Variants in SDK1 observed in about 807,000 individuals in gnomAD.
The protein encoded by SDK1 is protein sidekick-1.
SDK1 carries 157 observed loss-of-function variants against 245.5 expected under a neutral mutation model. The observed-to-expected ratio is 0.64, with a 90% confidence interval of 0.56 to 0.73. The LOEUF is 0.73. Ranked by LOEUF, SDK1 falls within the 30% of genes least tolerant of loss-of-function variation. SDK1 has a pLI of 0.00. For missense variants in SDK1, 3,583 were observed against 3,002.3 expected, an observed-to-expected ratio of 1.19 and a Z score of -4.52; for synonymous variants, 1,647 against 1,278.5, an observed-to-expected ratio of 1.29 and a Z score of -6.15.
chr7:3,681,818 G>A (rs549465921), intron 4 of SDK1, among the ~76,000 whole-genome samples: 8 of 152,118 alleles, frequency 5.3e-5, no homozygotes, highest in Admixed American at 1.3e-4. Context: ...ACATGAATTG[G>A]ATTAGAACAA....
intron 4 of SDK1, among the ~76,000 whole-genome samples, chr7:3,788,456 CCAG>C (rs947279310): frequency 6.6e-6 from 1 of 152,064 alleles, no homozygotes; most frequent in Non-Finnish European, 1.5e-5. Flanking sequence ...TATCTACCAC[CCAG>C]TCTGCATTTG....
chr7:4,055,083 G>A (rs944261412), intron 19 of SDK1, among the ~76,000 whole-genome samples: 1 of 152,116 alleles, frequency 6.6e-6, no homozygotes, highest in Non-Finnish European at 1.5e-5. Context: ...TCTTTGTCTG[G>A]TGTTGGTATC....
intron 1 of SDK1, among the ~76,000 whole-genome samples, chr7:3,549,731 G>C (rs956842892): frequency 1.3e-4 from 20 of 152,110 alleles, no homozygotes; most frequent in African/African-American, 4.6e-4. Flanking sequence ...AAGAATGCTT[G>C]ATCTTTCTAT....
intron 1 of SDK1, among the ~76,000 whole-genome samples, chr7:3,506,076 T>C (rs1191350634): frequency 6.6e-6 from 1 of 152,232 alleles, no homozygotes; most frequent in African/African-American, 2.4e-5. Flanking sequence ...CATCATATTC[T>C]TTATTTCTTT....
At chr7:3,463,250 C>T (rs971504407) in intron 1 of SDK1, among the ~76,000 whole-genome samples, 1 of 152,162 alleles carries the variant, frequency 6.6e-6, no homozygotes, top group Non-Finnish European at 1.5e-5. Flanking sequence ...TCTCAGTAAC[C>T]ATGATAGCAA....
intron 4 of SDK1, among the ~76,000 whole-genome samples, chr7:3,691,472 G>C (rs1784435635): frequency 6.6e-6 from 1 of 152,166 alleles, no homozygotes. Context: ...ACAGGACTTG[G>C]AGCATGTTAT....
At chr7:3,461,011 A>G (rs1174084768) in intron 1 of SDK1, among the ~76,000 whole-genome samples, 1 of 152,232 alleles carries the variant, frequency 6.6e-6, no homozygotes, top group Admixed American at 6.5e-5. Context: ...TCTGACTTGG[A>G]AATTTGCTAA....
intron 1 of SDK1, among the ~76,000 whole-genome samples, chr7:3,448,963 C>G (rs903598935): frequency 6.6e-6 from 1 of 152,112 alleles, no homozygotes; most frequent in Non-Finnish European, 1.5e-5. Context: ...AGCTTGCAAC[C>G]TAACAATTTT....
rs551004750 is a variant in SDK1, at chr7:3,431,736, G to C, written c.298+129852G>C. Among the ~76,000 whole-genome samples, 4 of 152,226 alleles carry C rather than the reference G, an allele frequency of 2.6e-5. No homozygotes were observed. The South Asian group carries it at 8.3e-4, about 32-fold the overall frequency. On this transcript the variant is annotated intron_variant, in intron 1 of 44. Transcript: ENST00000404826. Reference sequence around the variant, plus strand: ...GAACTGTTTTGCAATGACTAGTTTTGTGACCTTGAGAAAGGACCTTAACCT... The same window carrying C: ...GAACTGTTTTGCAATGACTAGTTTTCTGACCTTGAGAAAGGACCTTAACCT...
chr7:3,904,958 A>G (rs1277149114), intron 5 of SDK1, among the ~76,000 whole-genome samples: 2 of 151,038 alleles, frequency 1.3e-5, no homozygotes, highest in South Asian at 2.1e-4. Context: ...GCGCCACTGC[A>G]CTCCAGCCTG....
rs76956078 is a variant in SDK1, at chr7:3,639,556, G to A, written c.565+446G>A. On this transcript the variant is annotated intron_variant, in intron 3 of 44. Transcript: ENST00000404826. ...AGGTACATGGATAGTGAGCGTCCCC[G>A]ATGGCATTCATGTGATAGTGATTTA... Among the ~76,000 whole-genome samples the A allele has an allele frequency of 3.8e-3, 577 of 152,218 alleles. 5 individuals are homozygous for A. The highest frequency in any genetic ancestry group is 0.013 in the African/African-American group (540 of 41,490).
At chr7:3,808,974 C>T (rs553942074) in intron 4 of SDK1, among the ~76,000 whole-genome samples, 2 of 152,278 alleles carry the variant, frequency 1.3e-5, no homozygotes, top group African/African-American at 4.8e-5. Context: ...GAGTCGTGCA[C>T]TGAGGATCCA....
chr7:3,539,550 C>G (rs768108152), intron 1 of SDK1, among the ~76,000 whole-genome samples: 1 of 152,162 alleles, frequency 6.6e-6, no homozygotes, highest in Non-Finnish European at 1.5e-5. Context: ...CTGCCTGGAG[C>G]TCAGTGGAGA....
rs73673650 is a variant in SDK1 at position 3,615,808 on chromosome 7, C to T, written c.299-3272C>T. ...CACTATTCCACGCCCTCTTTTTTTCCTTCTCACATTACAGCCAGAATGTTC... is the reference window on the plus strand; with the variant it reads ...CACTATTCCACGCCCTCTTTTTTTCTTTCTCACATTACAGCCAGAATGTTC... On this transcript the variant is annotated intron_variant, in intron 1 of 44. Coordinates refer to ENST00000404826, the MANE Select transcript of SDK1 (RefSeq NM_152744.4). 5.9e-5 allele frequency among the ~76,000 whole-genome samples: 9 copies of T among 151,660 alleles called. No individual in the cohort carries two copies. In the South Asian group the frequency reaches 1.7e-3, roughly 28 times the overall value.
intron 1 of SDK1, among the ~76,000 whole-genome samples, chr7:3,501,167 G>A (rs1029529706): frequency 6.6e-6 from 1 of 152,144 alleles, no homozygotes; most frequent in East Asian, 1.9e-4. Context: ...TTATTTCATT[G>A]CAGGGTGATC....
chr7:3,387,864 C>A (rs1184042385), intron 1 of SDK1, among the ~76,000 whole-genome samples: 1 of 152,184 alleles, frequency 6.6e-6, no homozygotes, highest in Non-Finnish European at 1.5e-5. Context: ...TTAATCCTCA[C>A]AACAACCCTG....
At chr7:3,633,333 C>T (rs896352595) in intron 2 of SDK1, among the ~76,000 whole-genome samples, 1 of 152,108 alleles carries the variant, frequency 6.6e-6, no homozygotes. Context: ...GTTCCCTGAC[C>T]ACCTAGGGGA....
At chr7:3,446,877 C>A (rs1270101693) in intron 1 of SDK1, among the ~76,000 whole-genome samples, 2 of 152,040 alleles carry the variant, frequency 1.3e-5, no homozygotes, top group Admixed American at 6.6e-5. Flanking sequence ...TCTTCACAGT[C>A]TTTTTCAGTT....
chr7:3,869,772 A>T (rs947109902), intron 5 of SDK1, among the ~76,000 whole-genome samples: 5 of 152,248 alleles, frequency 3.3e-5, no homozygotes, highest in Non-Finnish European at 5.9e-5. Context: ...GAGATGTCTT[A>T]CTACTCAGCA....
Sources: gnomAD v4.1 joint callset for allele counts (sites outside exome capture counted in the v4.1 genomes callset) on GRCh38, gnomAD v4.1.1 for gene constraint, MANE v1.5 for transcripts, NCBI Gene and HGNC (gene_info 2026-07-23, HGNC 2026-07-21) for gene names.